The following ACADL variants were observed in gnomAD, a reference collection of about 807,000 sequenced individuals.
ACADL encodes long-chain specific acyl-CoA dehydrogenase, mitochondrial.
Under a neutral mutation model 56.9 loss-of-function variants are expected in ACADL, and 60 were observed. The ratio of observed to expected loss-of-function variants is 1.05; its 90% CI spans 0.86 to 1.31. The LOEUF is 1.31. ACADL is among the 50% of genes most tolerant of loss of function. The pLI, the probability that ACADL is intolerant of heterozygous loss-of-function variation, is 0.00. For synonymous variants in ACADL, 158 were observed against 179.7 expected (o/e 0.88, Z 0.97); for missense variants, 484 against 525.5 (o/e 0.92, Z 0.77).
chr2:210,190,703 A>G (rs1035024894), intron 10 of ACADL, among the ~76,000 whole-genome samples: 3 of 152,136 alleles, frequency 2.0e-5, no homozygotes, highest in African/African-American at 7.2e-5. Context: ...TTATTAAAGA[A>G]GACAAAAACA....
At chr2:210,214,467 A>AAAAGAAAGAAAGAAAG (rs60795055) in intron 4 of ACADL, among the ~76,000 whole-genome samples, 18,294 of 122,146 alleles carry the variant, frequency 0.15, 1,654 homozygotes, top group Middle Eastern at 0.21. Context: ...GACCTTCCAA[A>AAAAGAAAGAAAGAAAG]AAAGAAAGAA....
intron 2 of ACADL, 61 bp downstream of exon 2, chr2:210,220,586 T>G (rs1177806255): frequency 6.6e-7 from 1 of 1,508,492 alleles, no homozygotes; most frequent in Non-Finnish European, 9.2e-7. Flanking sequence ...TATGGCATTC[T>G]AGGAAATGGT....
chr2:210,203,390 C>T lies in ACADL; in HGVS notation c.925G>A (p.Glu309Lys). 1 of 1,613,562 alleles carries T rather than the reference C, an allele frequency of 6.2e-7. No individual in the cohort carries two copies. The highest frequency in any genetic ancestry group is 8.5e-7 in the Non-Finnish European group (1 of 1,179,770). Residue 309 changes from glutamate to lysine, a missense_variant, in exon 8 of 11, where the codon GAA (glutamate) becomes AAA (lysine). Physicochemically the swap from Glu to Lys is moderately conservative, Grantham distance 56 (BLOSUM62 1). Coordinates refer to ENST00000233710, the MANE Select transcript of ACADL (RefSeq NM_001608.4). The part of the protein sequence containing the change: ...AISASEFMFE[E>K]TRNYVKQRKA... ...CTTTGTTTAACATAGTTCCTGGTTTCTTCAAACATGAATTCACTAGCTGAA... is the reference window on the plus strand; with the variant it reads ...CTTTGTTTAACATAGTTCCTGGTTTTTTCAAACATGAATTCACTAGCTGAA...
At position 210,203,454 on chromosome 2, in the gene ACADL, A is replaced by G; in HGVS notation, c.871-10T>C. ...CAATTAACAGCCTTTCCTATAACAC[A>G]AAAATTAGGTCTTAAACATTACTCT... On this transcript the variant is annotated splice_polypyrimidine_tract_variant and intron_variant, in intron 7 of 10. Coordinates refer to ENST00000233710, the MANE Select transcript of ACADL (RefSeq NM_001608.4). The G allele has an allele frequency of 1.3e-6, 2 of 1,578,006 alleles. No individual in the cohort carries two copies. The highest frequency in any genetic ancestry group is 8.7e-7 in the Non-Finnish European group (1 of 1,148,746).
intron 8 of ACADL, among the ~76,000 whole-genome samples, chr2:210,196,597 T>G (rs138244408): frequency 3.9e-5 from 6 of 152,292 alleles, no homozygotes; most frequent in Non-Finnish European, 8.8e-5. Context: ...CACTGACTCT[T>G]GAGCCTCCCT....
At chr2:210,193,481 A>G (rs1304437379) in intron 9 of ACADL, among the ~76,000 whole-genome samples, 1 of 152,150 alleles carries the variant, frequency 6.6e-6, no homozygotes, top group African/African-American at 2.4e-5. Flanking sequence ...TTATTCCTGA[A>G]GTGTATGTAT....
At chr2:210,211,236 ACTT>A (rs1274920686) in intron 4 of ACADL, among the ~76,000 whole-genome samples, 4 of 152,204 alleles carry the variant, frequency 2.6e-5, no homozygotes, top group African/African-American at 9.6e-5. Context: ...ATATCTAATG[ACTT>A]CTTATTAGCT....
At chr2:210,223,131 A>G (rs1432893546) in intron 1 of ACADL, among the ~76,000 whole-genome samples, 1 of 152,220 alleles carries the variant, frequency 6.6e-6, no homozygotes, top group Non-Finnish European at 1.5e-5. Flanking sequence ...ATATAAAGAC[A>G]TAGGAAAGCA....
chr2:210,189,055 C>T lies in ACADL; in HGVS notation c.1200-1G>A. ...CTGAACTCTGGCATCCACATAAGCT[C>T]TGGATAAATCAGATGATTGAATGAA... On this transcript the variant is annotated splice_acceptor_variant, in intron 10 of 10. Transcript: ENST00000233710. LOFTEE classifies it high-confidence loss of function. 1.9e-6 allele frequency: 3 copies of T among 1,600,026 alleles called. No individual in the cohort carries two copies. The highest frequency in any genetic ancestry group is 3.3e-4 in the Middle Eastern group (2 of 6,038).
intron 9 of ACADL, among the ~76,000 whole-genome samples, chr2:210,194,316 A>G (rs896761168): frequency 5.9e-5 from 9 of 152,192 alleles, no homozygotes; most frequent in Non-Finnish European, 1.3e-4. Flanking sequence ...TCATTATATA[A>G]AGCACAAAAT....
chr2:210,224,669 T>C (rs1479342321), intron 1 of ACADL: 47 of 985,938 alleles, frequency 4.8e-5, no homozygotes, highest in Non-Finnish European at 5.5e-5. Flanking sequence ...CTAGCCCAGT[T>C]TGTCCTGGAC....
intron 8 of ACADL, among the ~76,000 whole-genome samples, chr2:210,197,888 A>G (rs920437899): frequency 6.6e-6 from 1 of 152,226 alleles, no homozygotes; most frequent in African/African-American, 2.4e-5. Context: ...TGTCTCCAAG[A>G]GTACATAATT....
chr2:210,221,094 A>C (rs1184163887), intron 1 of ACADL, among the ~76,000 whole-genome samples: 1 of 152,192 alleles, frequency 6.6e-6, no homozygotes, highest in Non-Finnish European at 1.5e-5. Flanking sequence ...CTTGAGGTGA[A>C]ATGTAGTATT....
intron 10 of ACADL, among the ~76,000 whole-genome samples, chr2:210,192,028 GAT>G (rs1688641244): frequency 1.3e-5 from 2 of 151,944 alleles, no homozygotes; most frequent in South Asian, 4.1e-4. Context: ...AGATATATTT[GAT>G]TTCTTTCAAT....
intron 7 of ACADL, among the ~76,000 whole-genome samples, chr2:210,203,810 G>T (rs978219629): frequency 2.0e-5 from 3 of 152,006 alleles, no homozygotes; most frequent in African/African-American, 7.2e-5. Context: ...CGAGTAGCTG[G>T]GACAACAGTC....
chr2:210,202,288 TC>T (rs1009465513), intron 8 of ACADL, among the ~76,000 whole-genome samples: 2 of 152,192 alleles, frequency 1.3e-5, no homozygotes, highest in Admixed American at 1.3e-4. Context: ...AGACAGGGTT[TC>T]ACCATGTTGG....
At chr2:210,209,030 T>C (rs1308623716) in intron 5 of ACADL, among the ~76,000 whole-genome samples, 1 of 152,198 alleles carries the variant, frequency 6.6e-6, no homozygotes, top group African/African-American at 2.4e-5. Flanking sequence ...CACTCCCCTT[T>C]CAAAACAAGC....
chr2:210,210,243 T>C lies in ACADL; in HGVS notation c.556A>G (p.Thr186Ala). ...GAGSDLQGIKTNAKKDGSDWI... is the reference protein window; with the variant it reads ...GAGSDLQGIKANAKKDGSDWI... ...TCACTTCCATCCTTTTTAGCATTTGTTTTTATTCCCTGTAAGTCACTGTAA... is the reference window on the plus strand; with the variant it reads ...TCACTTCCATCCTTTTTAGCATTTGCTTTTATTCCCTGTAAGTCACTGTAA... The change falls in exon 5 of 11, where the codon ACA becomes GCA. Residue 186 changes from threonine to alanine, a missense_variant. Coordinates refer to ENST00000233710, the MANE Select transcript of ACADL (RefSeq NM_001608.4). 2 of 1,612,156 alleles carry C rather than the reference T, an allele frequency of 1.2e-6. No homozygotes were observed. The highest frequency in any genetic ancestry group is 1.7e-6 in the Non-Finnish European group (2 of 1,178,572).
In ACADL at chr2:210,189,020, C is replaced by G. The variant is rs780641408; in HGVS notation, c.1234G>C (p.Gly412Arg). Residue 412 changes from glycine to arginine, a missense_variant, in exon 11 of 11, where the codon GGT (glycine) becomes CGT (arginine). Physicochemically the swap from Gly to Arg is moderately radical, Grantham distance 125. Transcript: ENST00000233710. ...YVDARVQPIY[G>R]GTNEIMKELI... is the part of the protein sequence containing the mutation. ...TCCTTCATTATTTCATTTGTACCAC[C>G]ATAGATTGGCTGAACTCTGGCATCC... 39 of 1,613,320 alleles carry G rather than the reference C, an allele frequency of 2.4e-5. No individual in the cohort carries two copies. Among genetic ancestry groups the G allele is most frequent in the Middle Eastern group, 1.6e-4 (1 of 6,076 alleles).
Sources: allele counts gnomAD v4.1 joint callset (sites outside exome capture counted in the v4.1 genomes callset), GRCh38; gene constraint gnomAD v4.1.1; transcripts MANE v1.5; gene names NCBI Gene and HGNC (gene_info 2026-07-23, HGNC 2026-07-21).